The following WNK3 variants were observed in gnomAD, a reference collection of about 807,000 sequenced individuals.
The protein encoded by WNK3 is serine/threonine-protein kinase WNK3.
A neutral mutation model predicts 116.7 loss-of-function variants in WNK3; 18 were observed. The ratio of observed to expected loss-of-function variants is 0.15; its 90% CI spans 0.11 to 0.23. WNK3 has a LOEUF of 0.23. Ranked by LOEUF, WNK3 falls within the 10% of genes least tolerant of loss-of-function variation. The pLI, the probability that WNK3 is intolerant of heterozygous loss-of-function variation, is 1.00. For missense variants in WNK3, 993 were observed against 1,323.8 expected (o/e 0.75, Z 3.88); for synonymous variants, 404 against 469.4 (o/e 0.86, Z 1.80).
chrX:54,204,998 C>G (rs2067537094), intron 22 of WNK3, among the ~76,000 whole-genome samples: 1 of 111,975 alleles, frequency 8.9e-6, no homozygotes, highest in Non-Finnish European at 1.9e-5. Flanking sequence ...GGTGGATCAC[C>G]TGAGGTCAGG....
At chrX:54,259,225 C>A in intron 11 of WNK3, 49 bp downstream of exon 11, 2 of 907,595 alleles carry the variant, frequency 2.2e-6, no homozygotes, top group Non-Finnish European at 1.6e-6. Flanking sequence ...AGTAAACAAA[C>A]TTCAGCATAT....
chrX:54,277,847 C>G lies in WNK3; in HGVS notation c.2037+15041G>C, dbSNP rs147128297. ...GTGGCTCACACTTGTAATCCTAGTA[C>G]TTTGGGAGGCTGAGGTGGGTGGACC... On this transcript the variant is annotated intron_variant, in intron 10 of 23. Transcript: ENST00000354646. 7.3e-3 allele frequency among the ~76,000 whole-genome samples: 814 copies of G among 111,226 alleles called. 9 individuals carry two copies. Among genetic ancestry groups the G allele is most frequent in the African/African-American group, 0.026 (796 of 30,669 alleles).
chrX:54,256,156 T>C (rs1307900687), intron 11 of WNK3, among the ~76,000 whole-genome samples: 2 of 111,951 alleles, frequency 1.8e-5, no homozygotes, highest in Middle Eastern at 4.6e-3. Flanking sequence ...TTATTTAGCA[T>C]TTAGCAAACC....
intron 1 of WNK3, among the ~76,000 whole-genome samples, chrX:54,356,385 G>A (rs1265800331): frequency 9.0e-6 from 1 of 111,418 alleles, no homozygotes; most frequent in Non-Finnish European, 1.9e-5. Context: ...ATCTTGGCTA[G>A]CTGCAACCTC....
In WNK3 at chrX:54,232,131, ATATATGTATG is replaced by A. The variant is rs1281261787; in HGVS notation, c.4840+668_4840+677del. On this transcript the variant is annotated intron_variant, in intron 21 of 23. Transcript: ENST00000354646. ...TGTGTGTGTATATATATATATATAT[ATATATGTATG>A]TATGTATGTATGTATTTTAGATGGA... Among the ~76,000 whole-genome samples the A allele has an allele frequency of 2.3e-3, 242 of 104,847 alleles. 2 individuals carry two copies. Among genetic ancestry groups the A allele is most frequent in the African/African-American group, 7.9e-3 (225 of 28,543 alleles). The allele number at this position is 104,847 out of a possible 115,157, so 91.0% of individuals were successfully genotyped here.
chrX:54,237,856 T>C (rs1338335833), intron 19 of WNK3, among the ~76,000 whole-genome samples: 5 of 111,869 alleles, frequency 4.5e-5, no homozygotes, highest in African/African-American at 1.6e-4. Context: ...TTTCTTTAGA[T>C]TCATCTTTAC....
intron 17 of WNK3, 54 bp from the exon 18 acceptor site, chrX:54,239,153 A>C: frequency 4.9e-6 from 4 of 816,555 alleles, no homozygotes; most frequent in Non-Finnish European, 6.5e-6. Flanking sequence ...AACAAAACAA[A>C]ACAACCGAGA....
At chrX:54,261,371 T>C (rs1557156669) in intron 10 of WNK3, among the ~76,000 whole-genome samples, 3 of 111,399 alleles carry the variant, frequency 2.7e-5, no homozygotes, top group South Asian at 7.7e-4. Flanking sequence ...GGGCCAACTG[T>C]AGGGCTTAGC....
chrX:54,316,093 C>T (rs1254731631), intron 2 of WNK3, among the ~76,000 whole-genome samples: 2 of 111,423 alleles, frequency 1.8e-5, no homozygotes, highest in Admixed American at 1.9e-4. Flanking sequence ...AGCAGATCTT[C>T]CCCTGTATTA....
At chrX:54,230,470 A>G (rs782604590) in intron 21 of WNK3, among the ~76,000 whole-genome samples, 117 of 112,196 alleles carry the variant, frequency 1.0e-3, no homozygotes, top group Non-Finnish European at 1.7e-3. Context: ...ACCACTTTAT[A>G]TCATCAAATA....
At chrX:54,292,928 T>C (rs781784064) in exon 10 of WNK3, 2 of 1,211,046 alleles carry the variant, frequency 1.7e-6, no homozygotes, top group South Asian at 1.8e-5. Flanking sequence ...TGGGGAAACC[T>C]GGGGTTGTGA....
At chrX:54,194,652 G>A (rs2067427852) in exon 24 of WNK3, 1 of 111,237 alleles carries the variant, frequency 9.0e-6, no homozygotes, top group African/African-American at 3.3e-5. Flanking sequence ...ACAGATGAGA[G>A]TGATGATCCC....
chrX:54,294,189 A>G (rs1216011494), intron 8 of WNK3, among the ~76,000 whole-genome samples: 1 of 111,595 alleles, frequency 9.0e-6, no homozygotes, highest in Non-Finnish European at 1.9e-5. Flanking sequence ...CTCAAAAAAA[A>G]GAAAGGATTT....
intron 22 of WNK3, among the ~76,000 whole-genome samples, chrX:54,216,606 T>G (rs1423407165): frequency 9.0e-6 from 1 of 111,513 alleles, no homozygotes; most frequent in Non-Finnish European, 1.9e-5. Flanking sequence ...AATATAAAAG[T>G]CTGGCATGCC....
chrX:54,198,432 T>C (rs1557140741), exon 24 of WNK3: 1 of 1,211,340 alleles, frequency 8.3e-7, no homozygotes, highest in Non-Finnish European at 1.1e-6. Context: ...CGGGAATTAC[T>C]ACAGATTGTT....
At chrX:54,293,095 C>A in intron 9 of WNK3, 39 bp downstream of exon 9, 1 of 1,183,678 alleles carries the variant, frequency 8.4e-7, no homozygotes, top group Non-Finnish European at 1.1e-6. Flanking sequence ...ACAGTAAATA[C>A]ACTGATTATA....
chrX:54,315,302 CAAAA>C (rs1162816570), intron 2 of WNK3, among the ~76,000 whole-genome samples: 3 of 36,213 alleles, frequency 8.3e-5, no homozygotes. Flanking sequence ...GACCTTGTCT[CAAAA>C]AAAAAAAAAA....
chrX:54,258,723 T>C (rs1180924795), intron 11 of WNK3, among the ~76,000 whole-genome samples: 2 of 108,159 alleles, frequency 1.8e-5, no homozygotes, highest in African/African-American at 6.7e-5. Context: ...AACCAAAATC[T>C]TATAAAAGAA....
chrX:54,198,508 C>T (rs1557140812), exon 24 of WNK3: 1 of 1,209,589 alleles, frequency 8.3e-7, no homozygotes, highest in Non-Finnish European at 1.1e-6. Context: ...ATTATACTGA[C>T]AAACGTGAGG....
Sources: gnomAD v4.1 joint callset for allele counts (sites outside exome capture counted in the v4.1 genomes callset) on GRCh38, gnomAD v4.1.1 for gene constraint, MANE v1.5 for transcripts, NCBI Gene and HGNC (gene_info 2026-07-23, HGNC 2026-07-21) for gene names.